Variants in SLA2 observed in about 807,000 individuals in gnomAD.
The protein encoded by SLA2 is Src like adaptor 2.
In SLA2, 22 loss-of-function variants were observed where a neutral mutation model predicts 27.3. The observed-to-expected ratio is 0.81, with a 90% CI of 0.58 to 1.15. The LOEUF is 1.15. Ranked by LOEUF, SLA2 falls within the 50% of genes most tolerant of loss-of-function variation. The probability of loss-of-function intolerance (pLI) is 0.00; values close to 1 mark genes in which losing one functional copy is unlikely to be tolerated. For missense variants in SLA2, 304 were observed against 322.2 expected (o/e 0.94, Z 0.43); for synonymous variants, 131 against 137.8 (o/e 0.95, Z 0.34).
intron 2 of SLA2, among the ~76,000 whole-genome samples, chr20:36,638,055 C>T (rs1353189655): frequency 6.6e-6 from 1 of 151,772 alleles, no homozygotes; most frequent in Non-Finnish European, 1.5e-5. Context: ...CCACGCCCAG[C>T]TAATTTTTTG....
At chr20:36,645,711 TCC>T (rs1978287548) in intron 1 of SLA2, 124 bp downstream of exon 1, 1 of 151,948 alleles carries the variant, frequency 6.6e-6, no homozygotes, top group African/African-American at 2.4e-5. Flanking sequence ...GTAGAACCAC[TCC>T]CCCTTCTCCT....
At chr20:36,620,964 T>C (rs1600819326) in intron 5 of SLA2, 1 of 327,850 alleles carries the variant, frequency 3.1e-6, no homozygotes, top group South Asian at 3.0e-5. Flanking sequence ...GTCGTGGAGG[T>C]GGATCTGGCA....
chr20:36,620,247 A>G (rs1028076327), intron 5 of SLA2, among the ~76,000 whole-genome samples: 2 of 150,878 alleles, frequency 1.3e-5, no homozygotes, highest in African/African-American at 4.9e-5. Flanking sequence ...AAATTAGCTG[A>G]GCGTGGTGGT....
chr20:36,618,430 GT>G (rs573949265), intron 5 of SLA2, among the ~76,000 whole-genome samples: 476 of 151,754 alleles, frequency 3.1e-3, no homozygotes, highest in Non-Finnish European at 5.2e-3. Context: ...TAGAGATGGG[GT>G]TTCACTATGT....
chr20:36,617,805 C>T (rs1469586923), intron 5 of SLA2, among the ~76,000 whole-genome samples: 1 of 149,758 alleles, frequency 6.7e-6, no homozygotes. Flanking sequence ...TGCAGTGAGC[C>T]GAGATCAGCC....
intron 2 of SLA2, among the ~76,000 whole-genome samples, chr20:36,634,932 A>G (rs554317449): frequency 1.3e-5 from 2 of 152,274 alleles, no homozygotes; most frequent in African/African-American, 4.8e-5. Context: ...CCGGGCTCAA[A>G]TCCTCCAGCC....
At chr20:36,629,491 T>C (rs77058789) in intron 5 of SLA2, among the ~76,000 whole-genome samples, 1 of 104,934 alleles carries the variant, frequency 9.5e-6, no homozygotes, top group Non-Finnish European at 2.0e-5. Context: ...AAAAAAAAAA[T>C]AGTCCGGTGC....
chr20:36,638,929 C>A lies in SLA2; in HGVS notation c.91+2316G>T, dbSNP rs376812451. Among the ~76,000 whole-genome samples the A allele has an allele frequency of 4.6e-5, 7 of 151,642 alleles. No individual in the cohort carries two copies. The South Asian group carries it at 1.5e-3, about 32-fold the overall frequency. ...TGGTGTGATCTCGGCTCACTGCAAC[C>A]TCTACCTCCCAGGTTCAAGTGATTC... is the stretch of plus-strand genomic sequence containing the variant. On this transcript the variant is annotated intron_variant, in intron 2 of 7. Coordinates refer to ENST00000262866, the MANE Select transcript of SLA2 (RefSeq NM_032214.4).
chr20:36,623,203 G>A (rs896458259), intron 5 of SLA2, among the ~76,000 whole-genome samples: 8 of 142,544 alleles, frequency 5.6e-5, no homozygotes, highest in East Asian at 2.2e-4. Context: ...GGAGGCAGAC[G>A]TTGCAGTGAG....
chr20:36,634,438 C>T (rs576411388), intron 3 of SLA2, 52 bp downstream of exon 3: 56 of 1,345,808 alleles, frequency 4.2e-5, no homozygotes, highest in Non-Finnish European at 5.5e-5. Context: ...CACACACCAC[C>T]ATGCCTGGCT....
chr20:36,619,006 A>G (rs148650249), intron 5 of SLA2, among the ~76,000 whole-genome samples: 1 of 149,986 alleles, frequency 6.7e-6, no homozygotes, highest in Non-Finnish European at 1.5e-5. Context: ...TGGGCAGATC[A>G]TTTGAGGTCG....
At chr20:36,635,231 T>C (rs2039432629) in intron 2 of SLA2, among the ~76,000 whole-genome samples, 1 of 151,916 alleles carries the variant, frequency 6.6e-6, no homozygotes, top group Non-Finnish European at 1.5e-5. Context: ...TTTCAGCAGC[T>C]GCTGAAGGCC....
At chr20:36,642,897 G>A (rs1026755798) in intron 1 of SLA2, among the ~76,000 whole-genome samples, 4 of 151,690 alleles carry the variant, frequency 2.6e-5, no homozygotes, top group East Asian at 3.9e-4. Flanking sequence ...TTTTTCTTAA[G>A]TTACGGGCTC....
At chr20:36,628,459 G>A (rs1411563505) in intron 5 of SLA2, among the ~76,000 whole-genome samples, 2 of 152,158 alleles carry the variant, frequency 1.3e-5, no homozygotes, top group African/African-American at 4.8e-5. Flanking sequence ...AATCACCTGG[G>A]CAGCTTTTAC....
chr20:36,640,703 G>C (rs2039498074), intron 2 of SLA2, among the ~76,000 whole-genome samples: 2 of 152,218 alleles, frequency 1.3e-5, no homozygotes, highest in South Asian at 4.1e-4. Context: ...TTTTAGTAGA[G>C]ACGGGGTTTC....
rs141192715 is a variant in SLA2 at position 36,636,624 on chromosome 20, ATAT to A, written c.92-2038_92-2036del. Among the ~76,000 whole-genome samples, 494 of 105,188 alleles carry A rather than the reference ATAT, an allele frequency of 4.7e-3. 11 individuals are homozygous for A. Among genetic ancestry groups the A allele is most frequent in the African/African-American group, 0.021 (456 of 21,678 alleles). 69.0% of individuals were successfully genotyped at this position (105,188 alleles called of 152,430 possible). ...CCATCTCAAAAAGAAAAAAAAAAAA[ATAT>A]ATATATATATATATATATATATATA... On this transcript the variant is annotated intron_variant, in intron 2 of 7. Coordinates refer to ENST00000262866, the MANE Select transcript of SLA2 (RefSeq NM_032214.4).
At chr20:36,635,793 C>T (rs558659955) in intron 2 of SLA2, among the ~76,000 whole-genome samples, 41 of 152,242 alleles carry the variant, frequency 2.7e-4, no homozygotes, top group Non-Finnish European at 5.1e-4. Context: ...GAAGCCCTGG[C>T]CTTGCACTCC....
intron 5 of SLA2, among the ~76,000 whole-genome samples, chr20:36,620,089 T>C (rs939716690): frequency 6.7e-5 from 10 of 148,600 alleles, no homozygotes; most frequent in African/African-American, 2.2e-4. Context: ...AGATTCCACC[T>C]CAAGAAAAAA....
intron 1 of SLA2, 58 bp from the exon 2 acceptor site, chr20:36,641,436 C>T: frequency 1.0e-6 from 1 of 987,650 alleles, no homozygotes; most frequent in South Asian, 1.4e-5. Context: ...TCTCAGATAC[C>T]TCTCCCTCCC....
Sources: gnomAD v4.1 joint callset for allele counts (sites outside exome capture counted in the v4.1 genomes callset) on GRCh38, gnomAD v4.1.1 for gene constraint, MANE v1.5 for transcripts, NCBI Gene and HGNC (gene_info 2026-07-23, HGNC 2026-07-21) for gene names.